The following FARP2 variants were observed in gnomAD, a reference collection of about 807,000 sequenced individuals.
The protein encoded by FARP2 is FERM, ARH/RhoGEF and pleckstrin domain protein 2.
In FARP2, 111 loss-of-function variants were observed where a neutral mutation model predicts 130.5. The ratio of observed to expected loss-of-function variants is 0.85; its 90% CI spans 0.73 to 1.00. The LOEUF (loss-of-function observed/expected upper bound fraction) is 1.00, where lower values mean the gene tolerates loss of function less well. Among genes scored for constraint, FARP2 ranks in the 50% least tolerant of loss-of-function variants. The pLI, the probability that FARP2 is intolerant of heterozygous loss-of-function variation, is 0.00. For missense variants in FARP2, 1,385 were observed against 1,346.3 expected (o/e 1.03, Z -0.45); for synonymous variants, 504 against 516.9 (o/e 0.98, Z 0.34).
chr2:241,483,402 C>T lies in FARP2; in HGVS notation c.2263-63C>T, dbSNP rs560694934. On this transcript the variant is annotated intron_variant, in intron 19 of 26. Transcript: ENST00000264042. ...ACAAGGCTATTCCTGACCCTCAGCCCGGCTAGTGCATCCGCCAGCTGCCCT... is the reference window on the plus strand; with the variant it reads ...ACAAGGCTATTCCTGACCCTCAGCCTGGCTAGTGCATCCGCCAGCTGCCCT... 20 of 1,398,690 alleles carry T rather than the reference C, an allele frequency of 1.4e-5. No individual in the cohort carries two copies. The African/African-American group carries it at 2.3e-4, about 16-fold the overall frequency. 86.6% of individuals were successfully genotyped at this position (1,398,690 alleles called of 1,614,324 possible). A position where few individuals can be genotyped will look rare whatever the true frequency, so the allele number is the denominator to read the frequency against.
At chr2:241,493,831 A>T in intron 26 of FARP2, 177 bp from the exon 27 acceptor site, 1 of 533,606 alleles carries the variant, frequency 1.9e-6, no homozygotes, top group Non-Finnish European at 3.4e-6. Context: ...TCCTGACCTC[A>T]AGTGATCCAT....
rs747620350 is a variant in FARP2 at position 241,411,130 on chromosome 2, TGTGA to T, written c.508+3_508+6del. The T allele has an allele frequency of 9.4e-6, 15 of 1,602,240 alleles. No individual in the cohort carries two copies. Among genetic ancestry groups the T allele is most frequent in the Non-Finnish European group, 1.2e-5 (14 of 1,171,070 alleles). On this transcript the variant is annotated splice_donor_variant and splice_donor_region_variant and intron_variant, in intron 6 of 26. Transcript: ENST00000264042. LOFTEE classifies it high-confidence loss of function. ...CCTTCTCACGTCCCATCTCCTGCAG[TGTGA>T]GTATCTCCCCGCCAGCGGGGAGCAT...
intron 13 of FARP2, among the ~76,000 whole-genome samples, chr2:241,451,760 T>C (rs1217334482): frequency 6.6e-6 from 1 of 152,114 alleles, no homozygotes; most frequent in Non-Finnish European, 1.5e-5. Flanking sequence ...TCTGCCTTTT[T>C]TTTTCTTTTT....
chr2:241,370,544 A>G (rs879733029), intron 1 of FARP2, among the ~76,000 whole-genome samples: 4 of 152,210 alleles, frequency 2.6e-5, no homozygotes, highest in African/African-American at 7.2e-5. Flanking sequence ...ATTTCTGTCA[A>G]TTAAAAAATA....
chr2:241,406,698 A>G (rs2062362131), intron 4 of FARP2, among the ~76,000 whole-genome samples: 1 of 152,134 alleles, frequency 6.6e-6, no homozygotes, highest in Middle Eastern at 3.2e-3. Flanking sequence ...TCCTGGGTTC[A>G]AGTGATCCAC....
intron 2 of FARP2, among the ~76,000 whole-genome samples, chr2:241,378,408 C>G (rs2061587735): frequency 3.7e-5 from 2 of 53,590 alleles, no homozygotes; most frequent in Admixed American, 2.4e-4. Flanking sequence ...AGCCACCATG[C>G]CTGGCCTATT....
intron 8 of FARP2, among the ~76,000 whole-genome samples, chr2:241,426,954 G>A (rs1394767249): frequency 6.6e-6 from 1 of 152,170 alleles, no homozygotes; most frequent in African/African-American, 2.4e-5. Flanking sequence ...AACAATACAG[G>A]CTGGGCGCGG....
intron 7 of FARP2, among the ~76,000 whole-genome samples, chr2:241,413,897 G>A (rs1395645563): frequency 5.3e-5 from 8 of 151,180 alleles, no homozygotes; most frequent in Admixed American, 1.3e-4. Flanking sequence ...AGACAAGATC[G>A]TGCCACTACA....
At chr2:241,468,757 C>T (rs1376392790) in intron 18 of FARP2, among the ~76,000 whole-genome samples, 2 of 152,258 alleles carry the variant, frequency 1.3e-5, no homozygotes, top group Non-Finnish European at 2.9e-5. Flanking sequence ...CCCAGAGCAA[C>T]CTGCTGCCTA....
chr2:241,404,698 T>A (rs1334170233), intron 3 of FARP2, 101 bp from the exon 4 acceptor site: 8 of 890,804 alleles, frequency 9.0e-6, no homozygotes, highest in African/African-American at 1.7e-5. Flanking sequence ...TTTCCTGACA[T>A]AAAAATTTAT....
rs1401947556 is a variant in FARP2 at position 241,490,062 on chromosome 2, C to T, written c.2504+18C>T. 2 of 1,593,110 alleles carry T rather than the reference C, an allele frequency of 1.3e-6. No homozygotes were observed. The highest frequency in any genetic ancestry group is 1.7e-4 in the Middle Eastern group (1 of 6,030). ...GCAGCCAGGTAAGGGTCTTCCATGTCTCCATCCTGAGCAGCCCTGGATGGA... is the reference window on the plus strand; with the variant it reads ...GCAGCCAGGTAAGGGTCTTCCATGTTTCCATCCTGAGCAGCCCTGGATGGA... On this transcript the variant is annotated intron_variant, in intron 22 of 26. Coordinates refer to ENST00000264042, the MANE Select transcript of FARP2 (RefSeq NM_014808.4).
intron 12 of FARP2, among the ~76,000 whole-genome samples, chr2:241,437,639 C>CAT (rs1163987379): frequency 3.6e-4 from 48 of 133,608 alleles, no homozygotes; most frequent in Middle Eastern, 3.6e-3. Context: ...CTGACATATA[C>CAT]ATATATATAT....
chr2:241,436,384 G>T, intron 11 of FARP2, 97 bp from the exon 12 acceptor site: 1 of 1,007,936 alleles, frequency 9.9e-7, no homozygotes, highest in Non-Finnish European at 1.6e-6. Context: ...TTTCTTGTGA[G>T]GTTTTCTTCA....
chr2:241,473,639 G>A (rs978470746), intron 18 of FARP2, among the ~76,000 whole-genome samples: 1 of 152,182 alleles, frequency 6.6e-6, no homozygotes, highest in African/African-American at 2.4e-5. Context: ...GGGCAGGGTG[G>A]CACTGGTGCT....
intron 1 of FARP2, among the ~76,000 whole-genome samples, chr2:241,363,456 G>C (rs1451160938): frequency 6.6e-6 from 1 of 152,242 alleles, no homozygotes; most frequent in Non-Finnish European, 1.5e-5. Context: ...AGTCTGAAAA[G>C]GGGAGCCCAG....
intron 13 of FARP2, chr2:241,442,282 T>C: frequency 2.2e-6 from 1 of 456,644 alleles, no homozygotes; most frequent in Non-Finnish European, 4.4e-6. Context: ...CCGCTCTGAG[T>C]CCAGCTCGGC....
chr2:241,463,764 C>A, intron 16 of FARP2, 135 bp from the exon 17 acceptor site: 1 of 797,168 alleles, frequency 1.3e-6, no homozygotes, highest in African/African-American at 1.7e-5. Context: ...AGGCCCTGCC[C>A]TGCGGCCTCT....
At chr2:241,394,539 T>C (rs948769182) in intron 2 of FARP2, among the ~76,000 whole-genome samples, 11 of 146,150 alleles carry the variant, frequency 7.5e-5, no homozygotes, top group Non-Finnish European at 1.4e-4. Flanking sequence ...AAAAAAGACA[T>C]GTGACTGATA....
intron 1 of FARP2, among the ~76,000 whole-genome samples, chr2:241,369,929 C>G (rs1347252443): frequency 6.6e-6 from 1 of 152,046 alleles, no homozygotes; most frequent in African/African-American, 2.4e-5. Context: ...CTTACTTTTG[C>G]ATTAACTACT....
Sources: allele counts gnomAD v4.1 joint callset (sites outside exome capture counted in the v4.1 genomes callset), GRCh38; gene constraint gnomAD v4.1.1; transcripts MANE v1.5; gene names NCBI Gene and HGNC (gene_info 2026-07-23, HGNC 2026-07-21).